Variants in KCNAB1 observed in about 807,000 individuals in gnomAD.
The protein encoded by KCNAB1 is voltage-gated potassium channel subunit beta-1.
A neutral mutation model predicts 64.6 loss-of-function variants in KCNAB1; 35 were observed. The observed-to-expected ratio is 0.54, with a 90% CI of 0.41 to 0.72. The LOEUF (loss-of-function observed/expected upper bound fraction) is 0.72, where lower values mean the gene tolerates loss of function less well. Among genes scored for constraint, KCNAB1 ranks in the 30% least tolerant of loss-of-function variants. The probability of loss-of-function intolerance (pLI) is 0.00; values close to 1 mark genes in which losing one functional copy is unlikely to be tolerated. For synonymous variants in KCNAB1, 177 were observed against 183.8 expected (o/e 0.96, Z 0.30); for missense variants, 401 against 512.9 (o/e 0.78, Z 2.11).
intron 2 of KCNAB1, among the ~76,000 whole-genome samples, chr3:156,439,802 C>T (rs1249761955): frequency 6.6e-6 from 1 of 152,188 alleles, no homozygotes; most frequent in East Asian, 1.9e-4. Context: ...GCCATCAGTG[C>T]TTTAAGATGG....
intron 1 of KCNAB1, among the ~76,000 whole-genome samples, chr3:156,281,388 T>C (rs1282412338): frequency 1.5e-4 from 23 of 151,336 alleles, no homozygotes; most frequent in African/African-American, 5.6e-4. Flanking sequence ...TGAGGATTTT[T>C]GCATCAATGT....
At chr3:156,449,137 T>A (rs954215969) in intron 2 of KCNAB1, among the ~76,000 whole-genome samples, 1 of 152,302 alleles carries the variant, frequency 6.6e-6, no homozygotes, top group Non-Finnish European at 1.5e-5. Flanking sequence ...GGAATAGGTA[T>A]GTAATAATGT....
chr3:156,242,500 C>T (rs1228150982), intron 1 of KCNAB1, among the ~76,000 whole-genome samples: 2 of 152,062 alleles, frequency 1.3e-5, no homozygotes, highest in African/African-American at 4.8e-5. Flanking sequence ...CTCTAGTTGT[C>T]GTATATCCTC....
At chr3:156,308,822 AT>A (rs1246059400) in intron 1 of KCNAB1, among the ~76,000 whole-genome samples, 1 of 152,136 alleles carries the variant, frequency 6.6e-6, no homozygotes, top group Admixed American at 6.5e-5. Flanking sequence ...TTTTGTCATC[AT>A]GTTTCTTTGT....
chr3:156,433,007 G>C (rs1576857932), intron 2 of KCNAB1, among the ~76,000 whole-genome samples: 1 of 152,160 alleles, frequency 6.6e-6, no homozygotes, highest in African/African-American at 2.4e-5. Flanking sequence ...GTCTCAGTTT[G>C]TGAACTCTTA....
chr3:156,417,038 T>C (rs1309523513), intron 1 of KCNAB1, among the ~76,000 whole-genome samples: 1 of 152,208 alleles, frequency 6.6e-6, no homozygotes. Flanking sequence ...GAATCCCAAA[T>C]GAGTCATTAT....
At chr3:156,467,031 C>G (rs555496739) in intron 7 of KCNAB1, among the ~76,000 whole-genome samples, 2 of 152,182 alleles carry the variant, frequency 1.3e-5, no homozygotes, top group Admixed American at 1.3e-4. Context: ...TACACCTAAC[C>G]TACTAAACAT....
chr3:156,417,222 AC>A (rs1254851044), intron 1 of KCNAB1, among the ~76,000 whole-genome samples: 123 of 152,326 alleles, frequency 8.1e-4, no homozygotes, highest in African/African-American at 2.8e-3. Context: ...CTTAAAAAAA[AC>A]AAACAAACCC....
At chr3:156,335,070 C>T (rs1020550261) in intron 1 of KCNAB1, among the ~76,000 whole-genome samples, 4 of 152,198 alleles carry the variant, frequency 2.6e-5, no homozygotes, top group Non-Finnish European at 1.5e-5. Flanking sequence ...GGCTAAAACC[C>T]CAGTGGCTTT....
intron 1 of KCNAB1, among the ~76,000 whole-genome samples, chr3:156,123,337 G>T (rs1472269276): frequency 6.6e-6 from 1 of 152,138 alleles, no homozygotes; most frequent in Non-Finnish European, 1.5e-5. Flanking sequence ...ACTCAAACTT[G>T]TTTCCTTTCT....
chr3:156,163,732 C>G lies in KCNAB1; in HGVS notation c.275+42846C>G, dbSNP rs2108313716. ...AATTTTGTCTTTATTCTTGTTGATT[C>G]ATTTCCAGCCATAACCTTTTGCTGG... On this transcript the variant is annotated intron_variant, in intron 1 of 13. Transcript: ENST00000490337. Among the ~76,000 whole-genome samples, 3 of 152,308 alleles carry G rather than the reference C, an allele frequency of 2.0e-5. No individual in the cohort carries two copies. In the South Asian group the frequency reaches 6.2e-4, roughly 32 times the overall value.
chr3:156,209,288 G>A (rs1714868601), intron 1 of KCNAB1, among the ~76,000 whole-genome samples: 1 of 152,180 alleles, frequency 6.6e-6, no homozygotes. Context: ...AGAGCAAATA[G>A]CATGTGCAAA....
At chr3:156,484,996 C>T (rs932674061) in intron 8 of KCNAB1, among the ~76,000 whole-genome samples, 2 of 151,976 alleles carry the variant, frequency 1.3e-5, no homozygotes, top group Non-Finnish European at 2.9e-5. Flanking sequence ...TAGCTATTTC[C>T]AAGATTGTTG....
chr3:156,443,257 G>A (rs144129551), intron 2 of KCNAB1, among the ~76,000 whole-genome samples: 1 of 152,246 alleles, frequency 6.6e-6, no homozygotes, highest in East Asian at 1.9e-4. Flanking sequence ...ATGGGAACAC[G>A]AAGCTTATCA....
In KCNAB1 at chr3:156,457,568, T is replaced by C. The variant is rs867406081; in HGVS notation, c.437+36T>C. On this transcript the variant is annotated intron_variant, in intron 4 of 13. Transcript: ENST00000490337. ...ACCTGTTTGTGTCACTCAAATGGCA[T>C]CTGTAGCACCAAAAGAATCAGCCCA... The C allele has an allele frequency of 7.8e-6, 12 of 1,548,238 alleles. No individual in the cohort carries two copies. The Middle Eastern group carries it at 1.0e-3, about 130-fold the overall frequency.
chr3:156,430,737 C>T (rs1167636796), intron 2 of KCNAB1, among the ~76,000 whole-genome samples: 3 of 152,242 alleles, frequency 2.0e-5, no homozygotes, highest in East Asian at 1.9e-4. Context: ...GCACACACAG[C>T]CACTGCTGTC....
chr3:156,162,359 G>A (rs1010978746), intron 1 of KCNAB1, among the ~76,000 whole-genome samples: 2 of 151,924 alleles, frequency 1.3e-5, no homozygotes, highest in African/African-American at 4.8e-5. Context: ...TCCCATTTTA[G>A]GTATTTGACC....
At chr3:156,510,359 T>A (rs1717122837) in intron 8 of KCNAB1, among the ~76,000 whole-genome samples, 1 of 152,114 alleles carries the variant, frequency 6.6e-6, no homozygotes, top group African/African-American at 2.4e-5. Flanking sequence ...CCTCCCTGGG[T>A]CCCATCATCT....
chr3:156,328,907 G>A (rs1209212907), intron 1 of KCNAB1, among the ~76,000 whole-genome samples: 4 of 152,056 alleles, frequency 2.6e-5, no homozygotes, highest in Non-Finnish European at 5.9e-5. Context: ...TTTGATATTT[G>A]TATTATTTCT....
Sources: gnomAD v4.1 joint callset for allele counts (sites outside exome capture counted in the v4.1 genomes callset) on GRCh38, gnomAD v4.1.1 for gene constraint, MANE v1.5 for transcripts, NCBI Gene and HGNC (gene_info 2026-07-23, HGNC 2026-07-21) for gene names.